The following ITGB3 variants were observed in gnomAD, a reference collection of about 807,000 sequenced individuals.
The protein encoded by ITGB3 is integrin subunit beta 3, also known as integrin beta-3.
In ITGB3, 48 loss-of-function variants were observed where a neutral mutation model predicts 85.8. The ratio of observed to expected loss-of-function variants is 0.56; its 90% CI spans 0.44 to 0.71. The LOEUF (loss-of-function observed/expected upper bound fraction) is 0.71. Ranked by LOEUF, ITGB3 falls within the 30% of genes least tolerant of loss-of-function variation. ITGB3 has a pLI of 0.00. For missense variants in ITGB3, 861 were observed against 1,019.1 expected (o/e 0.84, Z 2.11); for synonymous variants, 363 against 395.6 (o/e 0.92, Z 0.98).
intron 1 of ITGB3, among the ~76,000 whole-genome samples, chr17:47,272,704 T>TTTCC (rs2065049467): frequency 1.5e-5 from 1 of 65,460 alleles, no homozygotes; most frequent in Non-Finnish European, 3.0e-5. Flanking sequence ...TCTTTCCTTC[T>TTTCC]TTCTTTCTTT....
intron 1 of ITGB3, among the ~76,000 whole-genome samples, chr17:47,261,250 A>G (rs1285238904): frequency 6.6e-6 from 1 of 152,134 alleles, no homozygotes; most frequent in Non-Finnish European, 1.5e-5. Flanking sequence ...ATAAATGCAA[A>G]TGTCGACAGG....
intron 11 of ITGB3, 142 bp from the exon 12 acceptor site, chr17:47,300,336 C>CACGT (rs1555573409): frequency 5.8e-5 from 21 of 364,326 alleles, no homozygotes; most frequent in Admixed American, 2.9e-4. Flanking sequence ...GTCTTACAGG[C>CACGT]GCGCGCGCGC....
At chr17:47,306,959 T>G (rs1322174556) in intron 13 of ITGB3, among the ~76,000 whole-genome samples, 1 of 152,192 alleles carries the variant, frequency 6.6e-6, no homozygotes, top group African/African-American at 2.4e-5. Context: ...GGATTACAGG[T>G]GTGAGCCACC....
At chr17:47,297,279 C>A (rs577743879) in intron 10 of ITGB3, among the ~76,000 whole-genome samples, 2 of 152,166 alleles carry the variant, frequency 1.3e-5, no homozygotes, top group Non-Finnish European at 2.9e-5. Context: ...ATTTACAAGG[C>A]ATATGGCCTT....
chr17:47,256,787 G>C (rs1003158075), intron 1 of ITGB3, among the ~76,000 whole-genome samples: 8 of 152,138 alleles, frequency 5.3e-5, no homozygotes, highest in Non-Finnish European at 1.0e-4. Context: ...TCGTGTTTAG[G>C]TTTTTATTCT....
chr17:47,257,513 A>G (rs936497865), intron 1 of ITGB3, among the ~76,000 whole-genome samples: 3 of 152,262 alleles, frequency 2.0e-5, no homozygotes, highest in African/African-American at 4.8e-5. Context: ...TGCCTGGCAC[A>G]TAGGCAGCAA....
intron 1 of ITGB3, 59 bp from the exon 2 acceptor site, chr17:47,274,360 C>A: frequency 6.8e-7 from 1 of 1,469,666 alleles, no homozygotes; most frequent in Non-Finnish European, 9.4e-7. Context: ...AAGGATGAGG[C>A]AGGCAAGTAC....
chr17:47,266,817 A>C (rs1401805797), intron 1 of ITGB3, among the ~76,000 whole-genome samples: 1 of 152,140 alleles, frequency 6.6e-6, no homozygotes, highest in Non-Finnish European at 1.5e-5. Context: ...ACTGGGCTCA[A>C]GCAATCCTCC....
At chr17:47,300,334 G>GGC (rs747880536) in intron 11 of ITGB3, 144 bp from the exon 12 acceptor site, 1,538 of 501,840 alleles carry the variant, frequency 3.1e-3, no homozygotes, top group Middle Eastern at 8.8e-3. Context: ...TTGTCTTACA[G>GGC]GCGCGCGCGC....
chr17:47,280,264 G>A (rs1030492149), intron 2 of ITGB3, among the ~76,000 whole-genome samples: 2 of 152,206 alleles, frequency 1.3e-5, no homozygotes, highest in African/African-American at 2.4e-5. Flanking sequence ...CCCCATCCAC[G>A]TGGGGAAGGC....
In ITGB3 at chr17:47,307,535, T is replaced by A; in HGVS notation, c.2199T>A (p.Ile733=). The change falls in exon 14 of 15, where the codon ATT becomes ATA. Residue 733 remains isoleucine (I), a synonymous_variant. Coordinates refer to ENST00000559488, the MANE Select transcript of ITGB3 (RefSeq NM_000212.3). ...CAGTGATGGGGGCCATTCTGCTCAT[T>A]GGCCTTGCCGCCCTGCTCATCTGGA... ...LLSVMGAILL[I]GLAALLIWKL... is the part of the protein sequence containing the mutation. 6.2e-7 allele frequency: 1 copy of A among 1,614,152 alleles called. No individual in the cohort carries two copies.
In ITGB3 at chr17:47,295,804, G is replaced by A. The variant is rs190825994; in HGVS notation, c.1690+3236G>A. ...TGGGGGGGCAGCTCTGCTGGCTGGC[G>A]CACTCCTCCCCCAGCTGCTGTGAGG... On this transcript the variant is annotated intron_variant, in intron 10 of 14. Transcript: ENST00000559488. Among the ~76,000 whole-genome samples the A allele has an allele frequency of 3.7e-4, 57 of 152,244 alleles. No individual in the cohort carries two copies. The East Asian group carries it at 7.5e-3, about 20-fold the overall frequency.
chr17:47,289,114 C>T (rs1384921266), intron 6 of ITGB3, among the ~76,000 whole-genome samples: 3 of 152,136 alleles, frequency 2.0e-5, no homozygotes, highest in African/African-American at 2.4e-5. Flanking sequence ...TGGAGGATCA[C>T]GAGGGCCAGG....
intron 1 of ITGB3, among the ~76,000 whole-genome samples, chr17:47,264,188 TG>T (rs1336290753): frequency 1.3e-5 from 2 of 152,050 alleles, no homozygotes; most frequent in Non-Finnish European, 2.9e-5. Context: ...TGAAGAGAGG[TG>T]TTGATTTTCA....
chr17:47,302,902 C>G, intron 13 of ITGB3, 62 bp downstream of exon 13: 1 of 1,596,114 alleles, frequency 6.3e-7, no homozygotes, highest in Non-Finnish European at 8.6e-7. Context: ...CCATGTTAGG[C>G]AGGAATCTCT....
At chr17:47,286,968 A>G (rs1259598736) in intron 5 of ITGB3, 102 bp from the exon 6 acceptor site, 1 of 1,207,440 alleles carries the variant, frequency 8.3e-7, no homozygotes, top group African/African-American at 1.5e-5. Context: ...TAAGCTGTCC[A>G]GCCCTTTAGC....
intron 1 of ITGB3, among the ~76,000 whole-genome samples, chr17:47,267,344 G>A (rs1651098250): frequency 6.6e-6 from 1 of 152,150 alleles, no homozygotes; most frequent in African/African-American, 2.4e-5. Context: ...AATGAGTCTG[G>A]GCCCCAGAGA....
chr17:47,277,750 A>G (rs67696888), intron 2 of ITGB3, among the ~76,000 whole-genome samples: 23,499 of 152,192 alleles, frequency 0.15, 2,185 homozygotes, highest in East Asian at 0.47. Context: ...AAGGTGGGCC[A>G]GCTTCCCACT....
chr17:47,271,011 C>T (rs2065042531), intron 1 of ITGB3, among the ~76,000 whole-genome samples: 3 of 152,168 alleles, frequency 2.0e-5, no homozygotes. Context: ...CATTTTGCCC[C>T]AGTGCATATT....
Sources: allele counts gnomAD v4.1 joint callset (sites outside exome capture counted in the v4.1 genomes callset), GRCh38; gene constraint gnomAD v4.1.1; transcripts MANE v1.5; gene names NCBI Gene and HGNC (gene_info 2026-07-23, HGNC 2026-07-21).